Variants in RRAS2 observed in about 807,000 individuals in gnomAD.
The protein encoded by RRAS2 is ras-related protein R-Ras2.
Under a neutral mutation model 27.6 loss-of-function variants are expected in RRAS2, and 7 were observed. The observed-to-expected ratio is 0.25, with a 90% CI of 0.14 to 0.48. The LOEUF is 0.48. Ranked by LOEUF, RRAS2 falls within the 20% of genes least tolerant of loss-of-function variation. The probability of loss-of-function intolerance (pLI) is 0.99; values close to 1 mark genes in which losing one functional copy is unlikely to be tolerated. For synonymous variants in RRAS2, 86 were observed against 90.9 expected, an observed-to-expected ratio of 0.95 and a Z score of 0.31; for missense variants, 178 against 256.2, an observed-to-expected ratio of 0.69 and a Z score of 2.08.
chr11:14,326,450 A>C lies in RRAS2; in HGVS notation c.109-30595T>G, dbSNP rs537732417. Among the ~76,000 whole-genome samples the C allele has an allele frequency of 1.6e-3, 246 of 152,348 alleles. 1 individual carries two copies. The highest frequency in any genetic ancestry group is 3.0e-3 in the Non-Finnish European group (201 of 68,026). On this transcript the variant is annotated intron_variant, in intron 1 of 5. Transcript: ENST00000256196. ...CTCAACTACACAAATTGTTATACTAAAACATTTCAGGAAATATGTGCTTTC... is the reference window on the plus strand; with the variant it reads ...CTCAACTACACAAATTGTTATACTACAACATTTCAGGAAATATGTGCTTTC...
intron 1 of RRAS2, among the ~76,000 whole-genome samples, chr11:14,336,432 A>G (rs149923414): frequency 6.6e-6 from 1 of 152,350 alleles, no homozygotes; most frequent in African/African-American, 2.4e-5. Context: ...AGATGTCAGA[A>G]TTATCTGGCA....
chr11:14,335,620 A>C (rs1321515746), intron 1 of RRAS2, among the ~76,000 whole-genome samples: 3 of 152,226 alleles, frequency 2.0e-5, no homozygotes, highest in African/African-American at 7.2e-5. Context: ...TCTTCTGAAA[A>C]GATAGAGTAG....
chr11:14,341,057 G>A (rs1363565909), intron 1 of RRAS2, among the ~76,000 whole-genome samples: 1 of 152,112 alleles, frequency 6.6e-6, no homozygotes, highest in Non-Finnish European at 1.5e-5. Flanking sequence ...ATGAAAATAA[G>A]ATTCCTGTCA....
intron 1 of RRAS2, among the ~76,000 whole-genome samples, chr11:14,302,073 T>C (rs12285050): frequency 0.01 from 1,429 of 142,348 alleles, 11 homozygotes; most frequent in Non-Finnish European, 0.014. Context: ...ACCACACACA[T>C]ACACACACAC....
chr11:14,298,978 G>C (rs1217638741), intron 1 of RRAS2, among the ~76,000 whole-genome samples: 1 of 152,120 alleles, frequency 6.6e-6, no homozygotes, highest in Non-Finnish European at 1.5e-5. Flanking sequence ...AAGTGTCGTG[G>C]GTTTAATTCT....
chr11:14,329,028 TAC>T (rs1554951566), intron 1 of RRAS2, among the ~76,000 whole-genome samples: 18 of 114,624 alleles, frequency 1.6e-4, no homozygotes, highest in Non-Finnish European at 2.1e-4. Context: ...TATATATATA[TAC>T]ACACACACAT....
rs374312140 is a variant in RRAS2, at chr11:14,286,326, C to T, written c.409-4606G>A. 9.8e-5 allele frequency among the ~76,000 whole-genome samples: 15 copies of T among 152,290 alleles called. No individual in the cohort carries two copies. The South Asian group carries it at 3.1e-3, about 32-fold the overall frequency. Reference sequence around the variant, plus strand: ...ATCAGATATTTTGTATTCCTAAACACATTCCTGAGCTTTCTTCTAGGATGC... The same window carrying T: ...ATCAGATATTTTGTATTCCTAAACATATTCCTGAGCTTTCTTCTAGGATGC... On this transcript the variant is annotated intron_variant, in intron 4 of 5. Coordinates refer to ENST00000256196, the MANE Select transcript of RRAS2 (RefSeq NM_012250.6).
At chr11:14,352,865 C>T (rs900635636) in intron 1 of RRAS2, among the ~76,000 whole-genome samples, 4 of 151,164 alleles carry the variant, frequency 2.6e-5, no homozygotes, top group Admixed American at 6.6e-5. Context: ...GCATGATCTC[C>T]GCCCACTACA....
At chr11:14,318,649 T>C (rs1055283092) in intron 1 of RRAS2, among the ~76,000 whole-genome samples, 3 of 152,146 alleles carry the variant, frequency 2.0e-5, no homozygotes, top group Non-Finnish European at 4.4e-5. Context: ...TACCTGTGTC[T>C]CCCAGTGCTG....
intron 1 of RRAS2, among the ~76,000 whole-genome samples, chr11:14,328,782 A>G (rs1273215980): frequency 2.0e-5 from 3 of 151,744 alleles, no homozygotes; most frequent in African/African-American, 7.3e-5. Context: ...CTCCTGGCTC[A>G]GCCTCCCCAG....
chr11:14,363,944 C>T (rs1168846994), upstream of RRAS2, among the ~76,000 whole-genome samples: 2 of 152,002 alleles, frequency 1.3e-5, no homozygotes, highest in Non-Finnish European at 2.9e-5. Flanking sequence ...GTGGCACATG[C>T]CTGTAATCCC....
At chr11:14,353,641 T>A (rs1304397211) in intron 1 of RRAS2, among the ~76,000 whole-genome samples, 1 of 148,820 alleles carries the variant, frequency 6.7e-6, no homozygotes, top group Non-Finnish European at 1.5e-5. Flanking sequence ...AACTTCCTTA[T>A]CCCAAAACAG....
upstream of RRAS2, among the ~76,000 whole-genome samples, chr11:14,363,725 C>G (rs1410382637): frequency 2.0e-5 from 3 of 151,468 alleles, no homozygotes; most frequent in Non-Finnish European, 2.9e-5. Flanking sequence ...GAGCAGAGAT[C>G]GTGCCACTGC....
At position 14,349,215 on chromosome 11, in the gene RRAS2, C is replaced by T. The variant is rs182329151; in HGVS notation, c.108+9548G>A. Among the ~76,000 whole-genome samples the T allele has an allele frequency of 2.7e-4, 41 of 150,760 alleles. No individual in the cohort carries two copies. In the South Asian group the frequency reaches 3.4e-3, roughly 12 times the overall value. On this transcript the variant is annotated intron_variant, in intron 1 of 5. Coordinates refer to ENST00000256196, the MANE Select transcript of RRAS2 (RefSeq NM_012250.6). The stretch of plus-strand genomic sequence containing the variant: ...TCACCCAAGCTGGACTGCAGTGGCG[C>T]GACTTGGCTCACTGCAACCTCCACC...
At chr11:14,312,194 T>C (rs1289216108) in intron 1 of RRAS2, among the ~76,000 whole-genome samples, 1 of 152,042 alleles carries the variant, frequency 6.6e-6, no homozygotes, top group Non-Finnish European at 1.5e-5. Flanking sequence ...TAAATATCCC[T>C]AAGGGGAGAA....
intron 1 of RRAS2, among the ~76,000 whole-genome samples, chr11:14,347,572 C>A (rs146579163): frequency 1.3e-5 from 2 of 152,110 alleles, no homozygotes; most frequent in Non-Finnish European, 2.9e-5. Flanking sequence ...GTAATCCCAG[C>A]GCTTTGGGAG....
chr11:14,332,256 T>C (rs562901685), intron 1 of RRAS2, among the ~76,000 whole-genome samples: 25 of 152,220 alleles, frequency 1.6e-4, no homozygotes, highest in Non-Finnish European at 2.6e-4. Flanking sequence ...TTAATGAACA[T>C]TGGAAACAAC....
chr11:14,290,440 C>G (rs1159904557), intron 4 of RRAS2, among the ~76,000 whole-genome samples: 1 of 152,090 alleles, frequency 6.6e-6, no homozygotes, highest in Non-Finnish European at 1.5e-5. Flanking sequence ...CAAAGCAAGA[C>G]CCGTTTCAGG....
At chr11:14,318,376 G>A (rs1848156733) in intron 1 of RRAS2, among the ~76,000 whole-genome samples, 1 of 152,134 alleles carries the variant, frequency 6.6e-6, no homozygotes, top group African/African-American at 2.4e-5. Flanking sequence ...AGTTGCGCAT[G>A]CCTGTAGTAC....
Sources: allele counts gnomAD v4.1 joint callset (sites outside exome capture counted in the v4.1 genomes callset), GRCh38; gene constraint gnomAD v4.1.1; transcripts MANE v1.5; gene names NCBI Gene and HGNC (gene_info 2026-07-23, HGNC 2026-07-21).